PCNX2: variants seen among roughly 807,000 people sequenced by gnomAD.
The protein encoded by PCNX2 is pecanex-like protein 2.
Under a neutral mutation model 223.8 loss-of-function variants are expected in PCNX2, and 168 were observed. That is an observed-to-expected ratio of 0.75 (90% CI 0.66 to 0.85). PCNX2 has a LOEUF of 0.85. Among genes scored for constraint, PCNX2 ranks in the 40% least tolerant of loss-of-function variants. PCNX2 has a pLI of 0.00. For missense variants in PCNX2, 2,507 were observed against 2,675.5 expected (o/e 0.94, Z 1.39); for synonymous variants, 1,006 against 1,052.6 (o/e 0.96, Z 0.86).
At chr1:233,022,436 G>A (rs369356046) in intron 26 of PCNX2, among the ~76,000 whole-genome samples, 2 of 152,258 alleles carry the variant, frequency 1.3e-5, no homozygotes, top group South Asian at 2.1e-4. Context: ...GCATGGCCCC[G>A]GGCTGTCAGC....
rs147165939 is a variant in PCNX2 at position 233,149,367 on chromosome 1, A to G, written c.3518-9512T>C. Reference sequence around the variant, plus strand: ...ATCCTCAGGATGTTTTCAGCTTTAGAAAGAAAATCTTCACCAATTCAAACC... The same window carrying G: ...ATCCTCAGGATGTTTTCAGCTTTAGGAAGAAAATCTTCACCAATTCAAACC... On this transcript the variant is annotated intron_variant, in intron 19 of 33. Coordinates refer to ENST00000258229, the MANE Select transcript of PCNX2 (RefSeq NM_014801.4). Among the ~76,000 whole-genome samples, 263 of 152,358 alleles carry G rather than the reference A, an allele frequency of 1.7e-3. 1 individual carries two copies. The highest frequency in any genetic ancestry group is 6.1e-3 in the African/African-American group (252 of 41,588).
At chr1:233,177,323 A>G (rs1679534338) in intron 17 of PCNX2, among the ~76,000 whole-genome samples, 2 of 152,146 alleles carry the variant, frequency 1.3e-5, no homozygotes, top group Admixed American at 1.3e-4. Context: ...TTAGCATTCC[A>G]CAAGTTACTT....
chr1:233,111,555 C>CA (rs1330360530), intron 21 of PCNX2, among the ~76,000 whole-genome samples: 3 of 152,028 alleles, frequency 2.0e-5, no homozygotes, highest in Non-Finnish European at 4.4e-5. Flanking sequence ...CAAGTAGCAC[C>CA]ACCACACTTA....
chr1:233,146,969 C>T (rs1484599729), intron 19 of PCNX2, among the ~76,000 whole-genome samples: 1 of 152,212 alleles, frequency 6.6e-6, no homozygotes, highest in Non-Finnish European at 1.5e-5. Context: ...TCAGTTTACT[C>T]ATCTCAGAAA....
chr1:233,093,892 A>G (rs78999760), intron 22 of PCNX2, among the ~76,000 whole-genome samples: 5,684 of 152,322 alleles, frequency 0.037, 159 homozygotes, highest in African/African-American at 0.076. Flanking sequence ...TCTGTATATC[A>G]TGAAAGTATG....
intron 19 of PCNX2, among the ~76,000 whole-genome samples, chr1:233,158,487 G>C (rs1201813177): frequency 6.6e-6 from 1 of 152,066 alleles, no homozygotes; most frequent in African/African-American, 2.4e-5. Context: ...TATAGATAAA[G>C]GTAAAGGTAT....
chr1:233,207,064 G>A (rs1298601724), intron 13 of PCNX2, among the ~76,000 whole-genome samples: 4 of 151,872 alleles, frequency 2.6e-5, no homozygotes, highest in Admixed American at 6.6e-5. Flanking sequence ...CTTCTCAAAT[G>A]ATGTAACAGG....
intron 25 of PCNX2, among the ~76,000 whole-genome samples, chr1:233,048,789 C>T (rs1054766204): frequency 1.3e-5 from 2 of 151,970 alleles, no homozygotes; most frequent in Non-Finnish European, 2.9e-5. Context: ...AGAGATGATC[C>T]AAATAAGCAC....
intron 8 of PCNX2, chr1:233,241,204 T>C: frequency 1.0e-6 from 1 of 985,376 alleles, no homozygotes; most frequent in Non-Finnish European, 1.2e-6. Context: ...TGTGTGAGTA[T>C]CGGAGAAAAA....
At chr1:233,231,517 G>T in intron 9 of PCNX2, 1 of 538,100 alleles carries the variant, frequency 1.9e-6, no homozygotes, top group Non-Finnish European at 2.4e-6. Context: ...CCCAAAGTCA[G>T]AACAGGCACA....
At chr1:233,090,319 T>G in intron 22 of PCNX2, 129 bp from the exon 23 acceptor site, 1 of 1,065,428 alleles carries the variant, frequency 9.4e-7, no homozygotes, top group Non-Finnish European at 1.3e-6. Context: ...AACACACACT[T>G]AATCTCTCTA....
At chr1:233,174,800 C>T (rs12034616) in intron 17 of PCNX2, among the ~76,000 whole-genome samples, 8,920 of 152,080 alleles carry the variant, frequency 0.059, 523 homozygotes, top group East Asian at 0.31. Context: ...AAACCATTAG[C>T]GGAAAGTTTA....
intron 25 of PCNX2, among the ~76,000 whole-genome samples, chr1:233,030,847 AG>A (rs1244128092): frequency 1.3e-5 from 2 of 152,220 alleles, no homozygotes; most frequent in African/African-American, 4.8e-5. Context: ...ATGCAAGAGC[AG>A]GTTAGTATCC....
chr1:233,054,719 G>A (rs575711239), intron 24 of PCNX2: 1 of 402,904 alleles, frequency 2.5e-6, no homozygotes, highest in South Asian at 3.9e-5. Context: ...TTATATATAT[G>A]TGCTATAATA....
intron 19 of PCNX2, among the ~76,000 whole-genome samples, chr1:233,141,921 A>AAG (rs1677152946): frequency 1.3e-5 from 2 of 152,222 alleles, no homozygotes; most frequent in Non-Finnish European, 2.9e-5. Flanking sequence ...AAGTATTATC[A>AAG]GTACAAACAC....
At chr1:233,035,595 C>G (rs1011121241) in intron 25 of PCNX2, among the ~76,000 whole-genome samples, 2 of 152,204 alleles carry the variant, frequency 1.3e-5, no homozygotes, top group African/African-American at 4.8e-5. Context: ...CGCTCTCACT[C>G]ACAAAGTGGA....
chr1:233,128,416 C>A (rs1676228056), intron 21 of PCNX2, among the ~76,000 whole-genome samples: 1 of 151,876 alleles, frequency 6.6e-6, no homozygotes, highest in South Asian at 2.1e-4. Context: ...CTCATTGTAA[C>A]CTCCGCCTCT....
chr1:233,112,685 G>A (rs548193501), intron 21 of PCNX2, among the ~76,000 whole-genome samples: 1 of 152,312 alleles, frequency 6.6e-6, no homozygotes, highest in Admixed American at 6.5e-5. Context: ...TGTGTTAGCG[G>A]GATGAATGTG....
the PCNX2 span, among the ~76,000 whole-genome samples, chr1:233,308,821 G>C: frequency 6.6e-6 from 1 of 152,054 alleles, no homozygotes; most frequent in Non-Finnish European, 1.5e-5. Flanking sequence ...AAACTACATA[G>C]TGAAAGATAT....
Sources: allele counts gnomAD v4.1 joint callset (sites outside exome capture counted in the v4.1 genomes callset), GRCh38; gene constraint gnomAD v4.1.1; transcripts MANE v1.5; gene names NCBI Gene and HGNC (gene_info 2026-07-23, HGNC 2026-07-21).